Variants in KATNA1 observed in about 807,000 individuals in gnomAD.
The protein encoded by KATNA1 is katanin p60 ATPase-containing subunit A1.
A neutral mutation model predicts 62.6 loss-of-function variants in KATNA1; 42 were observed. The observed-to-expected ratio is 0.67, with a 90% CI of 0.52 to 0.87. The LOEUF is 0.87. Ranked by LOEUF, KATNA1 falls within the 40% of genes least tolerant of loss-of-function variation. The probability of loss-of-function intolerance (pLI) is 0.00; values close to 1 mark genes in which losing one functional copy is unlikely to be tolerated. For synonymous variants in KATNA1, 186 were observed against 201.9 expected (o/e 0.92, Z 0.67); for missense variants, 498 against 612.5 (o/e 0.81, Z 1.97).
In KATNA1 at chr6:149,609,091, G is replaced by A. The variant is rs73606717; in HGVS notation, c.502-4309C>T. Among the ~76,000 whole-genome samples, 663 of 152,332 alleles carry A rather than the reference G, an allele frequency of 4.4e-3. 5 individuals are homozygous for A. The highest frequency in any genetic ancestry group is 0.016 in the African/African-American group (651 of 41,580). On this transcript the variant is annotated intron_variant, in intron 4 of 10. Transcript: ENST00000367411. ...ATGCCAAGACCAAAATGACAGTGAT[G>A]TTAGTTTCCTGACAGATTTTAAAGC...
intron 3 of KATNA1, chr6:149,631,564 C>CAAAAAAAAAAAAAAAAAAA (rs11436870): frequency 7.1e-6 from 1 of 140,430 alleles, no homozygotes; most frequent in Non-Finnish European, 1.5e-5. Flanking sequence ...ACAAAAAAAA[C>CAAAAAAAAAAAAAAAAAAA]AAAAAAAAAA....
At chr6:149,632,351 G>A (rs1343612220) in intron 3 of KATNA1, among the ~76,000 whole-genome samples, 1 of 147,980 alleles carries the variant, frequency 6.8e-6, no homozygotes, top group African/African-American at 2.5e-5. Flanking sequence ...CTCCAGCCTC[G>A]TGACAGAGTG....
intron 3 of KATNA1, among the ~76,000 whole-genome samples, chr6:149,625,508 T>C (rs964908624): frequency 2.6e-5 from 4 of 151,936 alleles, no homozygotes; most frequent in Non-Finnish European, 5.9e-5. Flanking sequence ...CACGCACTGG[T>C]AATCCCAGCT....
intron 4 of KATNA1, 95 bp from the exon 5 acceptor site, chr6:149,604,877 A>T (rs1336615738): frequency 1.5e-5 from 19 of 1,227,484 alleles, no homozygotes. Flanking sequence ...TCCTTTAAAA[A>T]GCTAATACAT....
At chr6:149,640,865 G>GTTGTTT (rs773241824) in intron 1 of KATNA1, among the ~76,000 whole-genome samples, 4 of 140,164 alleles carry the variant, frequency 2.9e-5, no homozygotes, top group African/African-American at 1.1e-4. Flanking sequence ...TTTTGTTGTT[G>GTTGTTT]TTGTTTTTGT....
At chr6:149,628,264 A>ATTTTTTTT (rs554916406) in intron 3 of KATNA1, among the ~76,000 whole-genome samples, 2 of 129,582 alleles carry the variant, frequency 1.5e-5, no homozygotes, top group Non-Finnish European at 3.2e-5. Context: ...TGCCCGGCTA[A>ATTTTTTTT]TTTTTTTTTT....
chr6:149,616,492 GC>G (rs1779170510), intron 4 of KATNA1, among the ~76,000 whole-genome samples: 1 of 152,222 alleles, frequency 6.6e-6, no homozygotes. Flanking sequence ...GGATGCAGTG[GC>G]TTATGCCTGT....
intron 10 of KATNA1, among the ~76,000 whole-genome samples, chr6:149,596,586 T>TC (rs1356997266): frequency 1.3e-5 from 2 of 151,980 alleles, no homozygotes; most frequent in African/African-American, 4.8e-5. Context: ...TTTTTTTTTT[T>TC]CTTTGGACAC....
chr6:149,614,431 C>T (rs1050521237), intron 4 of KATNA1, among the ~76,000 whole-genome samples: 1 of 152,066 alleles, frequency 6.6e-6, no homozygotes, highest in Non-Finnish European at 1.5e-5. Context: ...GGGAAATAGA[C>T]ATTTAAAGTC....
At chr6:149,614,569 T>A (rs1779093291) in intron 4 of KATNA1, among the ~76,000 whole-genome samples, 1 of 152,086 alleles carries the variant, frequency 6.6e-6, no homozygotes. Context: ...GGCCAGGATT[T>A]GAGACAAGCC....
At chr6:149,605,635 A>G (rs1363447888) in intron 4 of KATNA1, among the ~76,000 whole-genome samples, 1 of 152,172 alleles carries the variant, frequency 6.6e-6, no homozygotes, top group Admixed American at 6.6e-5. Flanking sequence ...CTCACGAGGT[A>G]TTGTGGGATA....
intron 1 of KATNA1, among the ~76,000 whole-genome samples, chr6:149,644,199 A>G (rs1159305923): frequency 6.6e-6 from 1 of 152,054 alleles, no homozygotes; most frequent in African/African-American, 2.4e-5. Flanking sequence ...CCCGCTGCTA[A>G]AAGTATATAG....
At chr6:149,610,654 A>C (rs1778914763) in intron 4 of KATNA1, among the ~76,000 whole-genome samples, 9 of 152,202 alleles carry the variant, frequency 5.9e-5, no homozygotes, top group Admixed American at 5.9e-4. Flanking sequence ...CACTGACCTG[A>C]AGAAAAATAA....
chr6:149,630,759 C>T (rs761281450), intron 3 of KATNA1, among the ~76,000 whole-genome samples: 36 of 152,132 alleles, frequency 2.4e-4, no homozygotes, highest in Admixed American at 1.0e-3. Flanking sequence ...TCAGAATCAC[C>T]GGCAGATTCC....
At chr6:149,625,933 CA>C (rs200316485) in intron 3 of KATNA1, among the ~76,000 whole-genome samples, 128 of 137,478 alleles carry the variant, frequency 9.3e-4, no homozygotes, top group Middle Eastern at 3.9e-3. Context: ...GACTCCATCT[CA>C]AAAAAAAAAA....
At chr6:149,624,956 T>C (rs777544341) in intron 3 of KATNA1, among the ~76,000 whole-genome samples, 2 of 150,258 alleles carry the variant, frequency 1.3e-5, no homozygotes, top group Non-Finnish European at 2.9e-5. Context: ...ATGCAGGAGT[T>C]GAACTAAACA....
At chr6:149,605,214 T>C (rs560790970) in intron 4 of KATNA1, among the ~76,000 whole-genome samples, 5 of 148,396 alleles carry the variant, frequency 3.4e-5, no homozygotes, top group African/African-American at 9.8e-5. Flanking sequence ...ATAACAAGGA[T>C]AGGACCAAAG....
chr6:149,645,944 T>C (rs1424719317), intron 1 of KATNA1, among the ~76,000 whole-genome samples: 1 of 151,544 alleles, frequency 6.6e-6, no homozygotes, highest in East Asian at 1.9e-4. Flanking sequence ...ACAGGCAAAA[T>C]ATTGAAATAT....
intron 2 of KATNA1, among the ~76,000 whole-genome samples, 157 bp downstream of exon 2, chr6:149,638,229 T>C (rs1366805238): frequency 1.3e-5 from 2 of 152,208 alleles, no homozygotes; most frequent in Non-Finnish European, 2.9e-5. Flanking sequence ...CTGCTTTGGC[T>C]TTCCAAAGTG....
Sources: allele counts gnomAD v4.1 joint callset (sites outside exome capture counted in the v4.1 genomes callset), GRCh38; gene constraint gnomAD v4.1.1; transcripts MANE v1.5; gene names NCBI Gene and HGNC (gene_info 2026-07-23, HGNC 2026-07-21).